Variants in NAV3 observed in about 807,000 individuals in gnomAD.
NAV3 encodes neuron navigator 3, also known as pore membrane and/or filament interacting like protein 1.
NAV3 carries 87 observed loss-of-function variants against 244.7 expected under a neutral mutation model. The observed-to-expected ratio is 0.36, with a 90% CI of 0.30 to 0.42. The LOEUF is 0.42. Among genes scored for constraint, NAV3 ranks in the 20% least tolerant of loss-of-function variants. The probability of loss-of-function intolerance (pLI) is 1.00; values close to 1 mark genes in which losing one functional copy is unlikely to be tolerated. For missense variants in NAV3, 2,663 were observed against 2,893.3 expected, an observed-to-expected ratio of 0.92 and a Z score of 1.83; for synonymous variants, 1,126 against 1,042.2, an observed-to-expected ratio of 1.08 and a Z score of -1.55.
At chr12:77,683,693 C>T (rs1409975770) in intron 2 of NAV3, among the ~76,000 whole-genome samples, 1 of 152,062 alleles carries the variant, frequency 6.6e-6, no homozygotes, top group Non-Finnish European at 1.5e-5. Flanking sequence ...ATGGGTTACA[C>T]AGTAGGTGTG....
In NAV3 at chr12:78,006,887, A is replaced by C; in HGVS notation, c.1349A>C (p.Lys450Thr). 1 of 1,614,168 alleles carries C rather than the reference A, an allele frequency of 6.2e-7. No homozygotes were observed. The highest frequency in any genetic ancestry group is 8.5e-7 in the Non-Finnish European group (1 of 1,180,030). ...GTGTCACCTAAGTTGGCCCCTCCAA[A>C]AGCTGGAAGCAAAAATCTCAGCAAT... is the stretch of plus-strand genomic sequence containing the variant. ...PKVSPKLAPP[K>T]AGSKNLSNKK... is the part of the protein sequence containing the mutation. Residue 450 changes from lysine to threonine, a missense_variant, in exon 8 of 40, where the codon AAA becomes ACA. Lys to Thr is a moderately conservative substitution (Grantham distance 78). This residue lies in a region of NAV3 where 1,521 missense variants were observed against 1,497.0 expected (regional missense o/e 1.02). Coordinates refer to ENST00000397909, the MANE Select transcript of NAV3 (RefSeq NM_001024383.2).
chr12:77,757,036 A>G (rs1437393162), intron 2 of NAV3, among the ~76,000 whole-genome samples: 1 of 152,212 alleles, frequency 6.6e-6, no homozygotes, highest in Non-Finnish European at 1.5e-5. Context: ...TATAACAGTA[A>G]CAACCCCATC....
chr12:77,954,203 A>C (rs1284761227), intron 3 of NAV3, among the ~76,000 whole-genome samples: 1 of 152,186 alleles, frequency 6.6e-6, no homozygotes, highest in Non-Finnish European at 1.5e-5. Context: ...GGATTTTTGC[A>C]TACCCATTTC....
intron 2 of NAV3, among the ~76,000 whole-genome samples, chr12:77,655,647 A>G (rs940633358): frequency 5.9e-5 from 9 of 152,130 alleles, no homozygotes; most frequent in Non-Finnish European, 1.0e-4. Flanking sequence ...TCCAAGACAC[A>G]TAATTGTCAG....
chr12:77,991,208 TA>T (rs1020061882), intron 5 of NAV3, among the ~76,000 whole-genome samples: 1 of 151,962 alleles, frequency 6.6e-6, no homozygotes, highest in Non-Finnish European at 1.5e-5. Context: ...GTATTTTTAG[TA>T]GAGATGGGGT....
At chr12:77,971,189 T>A (rs1290006412) in intron 5 of NAV3, among the ~76,000 whole-genome samples, 1 of 152,140 alleles carries the variant, frequency 6.6e-6, no homozygotes, top group Non-Finnish European at 1.5e-5. Flanking sequence ...ATGTCTCGAT[T>A]TTTCATTACA....
chr12:77,766,313 TTC>T (rs1001628587), intron 2 of NAV3, among the ~76,000 whole-genome samples: 2 of 152,206 alleles, frequency 1.3e-5, no homozygotes, highest in African/African-American at 2.4e-5. Context: ...CACCACCTTT[TTC>T]TCTCTCTTCA....
At chr12:77,800,077 A>G (rs977938417) in intron 2 of NAV3, among the ~76,000 whole-genome samples, 1 of 152,172 alleles carries the variant, frequency 6.6e-6, no homozygotes, top group African/African-American at 2.4e-5. Context: ...TCAAATTATC[A>G]GTGAATAATA....
chr12:77,877,328 T>C (rs1255277187), intron 1 of NAV3, among the ~76,000 whole-genome samples: 3 of 152,122 alleles, frequency 2.0e-5, no homozygotes, highest in Admixed American at 2.0e-4. Flanking sequence ...TCAATGGGCT[T>C]TGCTTACCAG....
chr12:78,161,849 G>A (rs451746), intron 23 of NAV3, among the ~76,000 whole-genome samples: 6,925 of 152,074 alleles, frequency 0.046, 193 homozygotes, highest in Non-Finnish European at 0.071. Context: ...ATGTGAAATG[G>A]TATAATTCAA....
chr12:78,078,528 T>C (rs1953181598), intron 12 of NAV3, among the ~76,000 whole-genome samples: 1 of 150,156 alleles, frequency 6.7e-6, no homozygotes, highest in Non-Finnish European at 1.5e-5. Context: ...CCCAAGTAGC[T>C]GGGACTACAG....
intron 2 of NAV3, among the ~76,000 whole-genome samples, chr12:77,775,573 A>T (rs1028015678): frequency 6.6e-6 from 1 of 152,144 alleles, no homozygotes; most frequent in African/African-American, 2.4e-5. Flanking sequence ...TTTAAATCTT[A>T]TAATAGCCTG....
At chr12:78,141,198 T>C (rs2139084051) in intron 20 of NAV3, among the ~76,000 whole-genome samples, 1 of 152,298 alleles carries the variant, frequency 6.6e-6, no homozygotes, top group South Asian at 2.1e-4. Flanking sequence ...AGATAGAAAC[T>C]TTATTTATTA....
chr12:78,011,995 C>A (rs1593274195), intron 8 of NAV3, among the ~76,000 whole-genome samples: 2 of 152,140 alleles, frequency 1.3e-5, no homozygotes, highest in East Asian at 3.9e-4. Context: ...AAACTGCTCC[C>A]TTGGTCCCAT....
chr12:77,582,414 T>C (rs1869406022), intron 2 of NAV3, among the ~76,000 whole-genome samples: 1 of 152,230 alleles, frequency 6.6e-6, no homozygotes, highest in South Asian at 2.1e-4. Context: ...CACAGTTCTT[T>C]GATGACATTA....
rs1217548844 is a variant in NAV3 at position 77,790,991 on chromosome 12, AAAC to A, written c.73-149316_73-149314del. On this transcript the variant is annotated intron_variant, in intron 2 of 8. Transcript: ENST00000550042. ...TTTCCCTCAAAGGAGAAGGAAAACG[AAAC>A]AACAACAACAAAGCAGGAAGCTTGA... Among the ~76,000 whole-genome samples the A allele has an allele frequency of 8.5e-5, 13 of 152,208 alleles. No individual in the cohort carries two copies. The South Asian group carries it at 1.7e-3, about 19-fold the overall frequency.
At chr12:77,704,004 G>A (rs894212593) in intron 2 of NAV3, among the ~76,000 whole-genome samples, 8 of 152,204 alleles carry the variant, frequency 5.3e-5, no homozygotes, top group Non-Finnish European at 5.9e-5. Context: ...TAACGCTAGC[G>A]CAAAGAAATG....
chr12:78,113,627 AG>A (rs1299866315), intron 12 of NAV3, among the ~76,000 whole-genome samples: 1 of 152,116 alleles, frequency 6.6e-6, no homozygotes, highest in Admixed American at 6.5e-5. Flanking sequence ...TGCATACAGC[AG>A]GGGGGCCCTG....
intron 1 of NAV3, among the ~76,000 whole-genome samples, chr12:77,879,363 A>G (rs1005650010): frequency 2.0e-5 from 3 of 152,092 alleles, no homozygotes; most frequent in African/African-American, 7.2e-5. Flanking sequence ...GCTGAATTAT[A>G]TCATGCATAT....
Sources: allele counts gnomAD v4.1 joint callset (sites outside exome capture counted in the v4.1 genomes callset), GRCh38; gene constraint gnomAD v4.1.1; regional missense constraint gnomAD v4.1.1; transcripts MANE v1.5; gene names NCBI Gene and HGNC (gene_info 2026-07-23, HGNC 2026-07-21).